CSMD1: variants seen among roughly 807,000 people sequenced by gnomAD.
The protein encoded by CSMD1 is CUB and Sushi multiple domains 1.
CSMD1 carries 213 observed loss-of-function variants against 417.5 expected under a neutral mutation model. The observed-to-expected ratio is 0.51, with a 90% CI of 0.46 to 0.57. The LOEUF is 0.57. CSMD1 is among the 20% of genes least tolerant of loss of function. The probability of loss-of-function intolerance (pLI) is 0.00; values close to 1 mark genes in which losing one functional copy is unlikely to be tolerated. For synonymous variants in CSMD1, 2,862 were observed against 1,736.8 expected, an observed-to-expected ratio of 1.65 and a Z score of -16.11; for missense variants, 6,923 against 4,529.7, an observed-to-expected ratio of 1.53 and a Z score of -15.17.
At position 3,787,227 on chromosome 8, in the gene CSMD1, AAAC is replaced by A. The variant is rs575542070; in HGVS notation, c.819-33188_819-33186del. 3.2e-4 allele frequency among the ~76,000 whole-genome samples: 48 copies of A among 152,318 alleles called. 1 individual carries two copies. The South Asian group carries it at 4.6e-3, about 14-fold the overall frequency. On this transcript the variant is annotated intron_variant, in intron 5 of 69. Transcript: ENST00000635120. ...GTATTCCTATGCTGAGGAAAATGAA[AAAC>A]AACAACAAAAAAAGAATTTGAAAAA...
At chr8:3,127,888 GAGGGAGGAATGAAGGA>G (rs1298564873) in intron 41 of CSMD1, 15 of 125,580 alleles carry the variant, frequency 1.2e-4, no homozygotes, top group Admixed American at 4.6e-4. Flanking sequence ...GAGAGGGAGG[GAGGGAGGAATGAAGGA>G]AGGAAGGAAG....
chr8:3,966,579 T>C (rs190809724), intron 5 of CSMD1, among the ~76,000 whole-genome samples: 1 of 152,124 alleles, frequency 6.6e-6, no homozygotes, highest in African/African-American at 2.4e-5. Context: ...CTGTAAACAT[T>C]GGTTTGCAGT....
intron 3 of CSMD1, among the ~76,000 whole-genome samples, chr8:4,284,312 G>A (rs1197653199): frequency 6.6e-6 from 1 of 152,002 alleles, no homozygotes; most frequent in Admixed American, 6.6e-5. Flanking sequence ...AGGTTGCCGT[G>A]AGCCGAGATC....
At chr8:4,547,813 A>G (rs2130547580) in intron 2 of CSMD1, among the ~76,000 whole-genome samples, 1 of 152,356 alleles carries the variant, frequency 6.6e-6, no homozygotes, top group Non-Finnish European at 1.5e-5. Context: ...TTAATGTGGC[A>G]GAGAGAAACA....
intron 3 of CSMD1, among the ~76,000 whole-genome samples, chr8:4,055,501 A>G (rs555625250): frequency 5.9e-5 from 9 of 152,090 alleles, no homozygotes; most frequent in African/African-American, 2.2e-4. Flanking sequence ...TTTCATATAA[A>G]TAAGAGTCAA....
chr8:3,265,473 T>C (rs1160216058), intron 26 of CSMD1, among the ~76,000 whole-genome samples: 1 of 152,140 alleles, frequency 6.6e-6, no homozygotes, highest in East Asian at 1.9e-4. Context: ...AACAGAGTGG[T>C]GTTTAACCGC....
In CSMD1 at chr8:4,213,939, C is replaced by A. The variant is rs748346007; in HGVS notation, c.416-181840G>T. 3.9e-5 allele frequency among the ~76,000 whole-genome samples: 6 copies of A among 152,294 alleles called. No individual in the cohort carries two copies. The South Asian group carries it at 1.2e-3, about 32-fold the overall frequency. On this transcript the variant is annotated intron_variant, in intron 3 of 69. Transcript: ENST00000635120. Reference sequence around the variant, plus strand: ...GACTCATTAATTAGACACTAGCATACGACTATGTAACCACAGTGCATTTAA... The same window carrying A: ...GACTCATTAATTAGACACTAGCATAAGACTATGTAACCACAGTGCATTTAA...
At chr8:2,997,224 T>C (rs1344424596) in intron 54 of CSMD1, among the ~76,000 whole-genome samples, 2 of 152,236 alleles carry the variant, frequency 1.3e-5, no homozygotes, top group African/African-American at 4.8e-5. Context: ...CCTTTGAGCT[T>C]ACGCCAAGAC....
At chr8:3,157,625 T>G (rs1389809781) in intron 39 of CSMD1, among the ~76,000 whole-genome samples, 2 of 152,116 alleles carry the variant, frequency 1.3e-5, no homozygotes, top group Non-Finnish European at 2.9e-5. Flanking sequence ...CTGACACACA[T>G]GTCGTTTTGG....
At chr8:4,926,648 CA>C (rs36035041) in intron 1 of CSMD1, among the ~76,000 whole-genome samples, 1 of 151,864 alleles carries the variant, frequency 6.6e-6, no homozygotes, top group Non-Finnish European at 1.5e-5. Flanking sequence ...GATTTCCTTG[CA>C]AAAAAATATG....
chr8:3,106,415 T>C, intron 46 of CSMD1, 113 bp downstream of exon 46: 1 of 627,174 alleles, frequency 1.6e-6, no homozygotes, highest in Non-Finnish European at 2.7e-6. Flanking sequence ...AATAAATAAA[T>C]AATAAACAAA....
chr8:4,523,814 A>C lies in CSMD1; in HGVS notation c.303-103749T>G, dbSNP rs927020500. Among the ~76,000 whole-genome samples the C allele has an allele frequency of 2.8e-4, 42 of 152,164 alleles. 1 individual carries two copies. The highest frequency in any genetic ancestry group is 2.7e-3 in the Admixed American group (41 of 15,256). On this transcript the variant is annotated intron_variant, in intron 2 of 69. Coordinates refer to ENST00000635120, the MANE Select transcript of CSMD1 (RefSeq NM_033225.6). ...TGTATACAAATACCACATTACCATTAAACCATGTCAACCATACTGTTTCTT... is the reference window on the plus strand; with the variant it reads ...TGTATACAAATACCACATTACCATTCAACCATGTCAACCATACTGTTTCTT...
In CSMD1 at chr8:4,212,751, C is replaced by CTTTTTTTTTT. The variant is rs5889027; in HGVS notation, c.416-180662_416-180653dup. ...AAAAGTTTACAACAGCGGCCTTATT[C>CTTTTTTTTTT]TTTTTTTTTTTTTTTTTTTTTTTTT... On this transcript the variant is annotated intron_variant, in intron 3 of 69. Coordinates refer to ENST00000635120, the MANE Select transcript of CSMD1 (RefSeq NM_033225.6). 4.4e-4 allele frequency among the ~76,000 whole-genome samples: 44 copies of CTTTTTTTTTT among 99,216 alleles called. 2 individuals carry two copies. The highest frequency in any genetic ancestry group is 2.2e-3 in the East Asian group (6 of 2,778). 65.1% of individuals were successfully genotyped at this position (99,216 alleles called of 152,430 possible).
At chr8:4,271,706 A>C (rs533471770) in intron 3 of CSMD1, among the ~76,000 whole-genome samples, 3 of 152,306 alleles carry the variant, frequency 2.0e-5, no homozygotes, top group African/African-American at 7.2e-5. Context: ...ATTAATCCTA[A>C]CTCACTACTA....
At chr8:4,806,132 T>G (rs1798572375) in intron 1 of CSMD1, among the ~76,000 whole-genome samples, 1 of 152,116 alleles carries the variant, frequency 6.6e-6, no homozygotes, top group East Asian at 1.9e-4. Context: ...TTACCTAACT[T>G]TCAAAAGTCT....
intron 2 of CSMD1, among the ~76,000 whole-genome samples, chr8:4,500,395 A>G (rs1802201809): frequency 6.6e-6 from 1 of 152,206 alleles, no homozygotes; most frequent in Non-Finnish European, 1.5e-5. Context: ...TCACAGCCCG[A>G]AAAAATAATG....
chr8:4,110,269 A>G (rs1261209285), intron 3 of CSMD1, among the ~76,000 whole-genome samples: 2 of 152,156 alleles, frequency 1.3e-5, no homozygotes, highest in Non-Finnish European at 2.9e-5. Flanking sequence ...ACAAGTCATG[A>G]TATACTGTGA....
intron 2 of CSMD1, among the ~76,000 whole-genome samples, chr8:4,571,446 G>T (rs1232830774): frequency 6.6e-6 from 1 of 152,114 alleles, no homozygotes; most frequent in East Asian, 1.9e-4. Flanking sequence ...TGTAGTTGAT[G>T]CAGTTTTGAG....
chr8:4,362,998 C>T (rs912186459), intron 3 of CSMD1, among the ~76,000 whole-genome samples: 2 of 152,124 alleles, frequency 1.3e-5, no homozygotes, highest in African/African-American at 4.8e-5. Context: ...CAGTAGCAGT[C>T]TTTGAATAGA....
Sources: allele counts gnomAD v4.1 joint callset (sites outside exome capture counted in the v4.1 genomes callset), GRCh38; gene constraint gnomAD v4.1.1; transcripts MANE v1.5; gene names NCBI Gene and HGNC (gene_info 2026-07-23, HGNC 2026-07-21).